MGAT4C: variants seen among roughly 807,000 people sequenced by gnomAD.
MGAT4C encodes alpha-1,3-mannosyl-glycoprotein 4-beta-N-acetylglucosaminyltransferase C.
A neutral mutation model predicts 40.1 loss-of-function variants in MGAT4C; 19 were observed. That is an observed-to-expected ratio of 0.47 (90% CI 0.33 to 0.70). The LOEUF (loss-of-function observed/expected upper bound fraction) is 0.70, where lower values mean the gene tolerates loss of function less well. Among genes scored for constraint, MGAT4C ranks in the 30% least tolerant of loss-of-function variants. MGAT4C has a pLI of 0.02. For synonymous variants in MGAT4C, 181 were observed against 187.1 expected (o/e 0.97, Z 0.27); for missense variants, 491 against 563.2 (o/e 0.87, Z 1.30).
chr12:86,459,458 G>C (rs1957559639), intron 2 of MGAT4C, among the ~76,000 whole-genome samples: 1 of 151,942 alleles, frequency 6.6e-6, no homozygotes, highest in Non-Finnish European at 1.5e-5. Flanking sequence ...GGCCACATAG[G>C]AAGGGTCTGC....
At chr12:85,989,071 G>T (rs1186884853) in intron 3 of MGAT4C, among the ~76,000 whole-genome samples, 1 of 151,944 alleles carries the variant, frequency 6.6e-6, no homozygotes, top group African/African-American at 2.4e-5. Flanking sequence ...AGCAGATTTT[G>T]TTTATTCTAT....
intron 2 of MGAT4C, among the ~76,000 whole-genome samples, chr12:86,499,089 C>A (rs1958290317): frequency 6.6e-6 from 1 of 151,544 alleles, no homozygotes; most frequent in African/African-American, 2.4e-5. Context: ...TTTTATTTTA[C>A]TTTGTGTTAA....
intron 2 of MGAT4C, among the ~76,000 whole-genome samples, chr12:86,594,907 G>A (rs1456981134): frequency 6.6e-6 from 1 of 152,158 alleles, no homozygotes; most frequent in Admixed American, 6.5e-5. Context: ...CAGTGCAGGA[G>A]CCCAGTCTAA....
chr12:86,629,577 T>C lies in MGAT4C; in HGVS notation c.-229+97632A>G, dbSNP rs1171977082. Among the ~76,000 whole-genome samples the C allele has an allele frequency of 6.6e-5, 10 of 152,174 alleles. No individual in the cohort carries two copies. The East Asian group carries it at 1.7e-3, about 27-fold the overall frequency. On this transcript the variant is annotated intron_variant, in intron 2 of 7. Transcript: ENST00000548651. ...TCTCTCAGACCACAGTGCAATCAAC[T>C]TACAACTCAGGATTAAGGAACTCAC...
At chr12:86,329,304 G>A (rs1954602815) in intron 4 of MGAT4C, among the ~76,000 whole-genome samples, 1 of 152,050 alleles carries the variant, frequency 6.6e-6, no homozygotes, top group African/African-American at 2.4e-5. Flanking sequence ...AGCACTTTGG[G>A]ATTTACTTTC....
At chr12:86,440,572 C>A (rs1023775214) in intron 2 of MGAT4C, among the ~76,000 whole-genome samples, 4 of 152,004 alleles carry the variant, frequency 2.6e-5, no homozygotes, top group African/African-American at 9.7e-5. Context: ...TGGAAGAATA[C>A]AGGGATGCCC....
At chr12:86,606,500 A>T (rs1024608148) in intron 2 of MGAT4C, among the ~76,000 whole-genome samples, 3 of 152,156 alleles carry the variant, frequency 2.0e-5, no homozygotes, top group African/African-American at 7.2e-5. Context: ...AACTACATAA[A>T]GTACCAGACA....
At chr12:86,257,357 C>T (rs1461973349), upstream of MGAT4C, among the ~76,000 whole-genome samples, 1 of 152,192 alleles carries the variant, frequency 6.6e-6, no homozygotes, top group East Asian at 1.9e-4. Flanking sequence ...GAGCTGTCAA[C>T]CGCATAACTG....
At chr12:85,984,323 A>T (rs577582168) in intron 3 of MGAT4C, among the ~76,000 whole-genome samples, 1 of 152,282 alleles carries the variant, frequency 6.6e-6, no homozygotes, top group African/African-American at 2.4e-5. Flanking sequence ...ATTAGCACCA[A>T]ATTAAGGTAA....
chr12:86,562,732 C>CTT (rs1959928530), intron 2 of MGAT4C, among the ~76,000 whole-genome samples: 2 of 152,048 alleles, frequency 1.3e-5, no homozygotes, highest in African/African-American at 4.8e-5. Context: ...AAAACAACTG[C>CTT]TTGAGTTTTC....
chr12:86,764,245 G>A (rs1023378326), intron 1 of MGAT4C, among the ~76,000 whole-genome samples: 222 of 152,254 alleles, frequency 1.5e-3, no homozygotes, highest in African/African-American at 4.5e-3. Context: ...CTATGCCCAC[G>A]GAGTCTCGCT....
intron 2 of MGAT4C, among the ~76,000 whole-genome samples, chr12:86,685,742 T>C (rs1016949036): frequency 1.3e-5 from 2 of 152,224 alleles, no homozygotes; most frequent in Non-Finnish European, 2.9e-5. Flanking sequence ...GAAAAGGTTC[T>C]TCACACCGCT....
intron 2 of MGAT4C, among the ~76,000 whole-genome samples, chr12:86,000,184 C>G (rs980489647): frequency 2.6e-5 from 4 of 151,710 alleles, no homozygotes; most frequent in Admixed American, 2.6e-4. Context: ...AAAGGGTAAA[C>G]TAACCCCAAA....
intron 2 of MGAT4C, among the ~76,000 whole-genome samples, chr12:86,475,948 T>C (rs1161009395): frequency 6.6e-6 from 1 of 152,050 alleles, no homozygotes; most frequent in Non-Finnish European, 1.5e-5. Flanking sequence ...ATATTTAAGG[T>C]GTACAACATG....
chr12:86,472,923 G>C (rs1353973770), intron 2 of MGAT4C, among the ~76,000 whole-genome samples: 1 of 152,052 alleles, frequency 6.6e-6, no homozygotes, highest in African/African-American at 2.4e-5. Context: ...GAGAAAGAGA[G>C]GAAGGGAGGA....
At chr12:86,571,034 C>G (rs1291172888) in intron 2 of MGAT4C, among the ~76,000 whole-genome samples, 2 of 152,070 alleles carry the variant, frequency 1.3e-5, no homozygotes, top group Non-Finnish European at 2.9e-5. Flanking sequence ...AGGCTGGTTT[C>G]GAACTCCTGA....
At chr12:86,177,631 T>C (rs1272770819) in intron 1 of MGAT4C, among the ~76,000 whole-genome samples, 2 of 152,072 alleles carry the variant, frequency 1.3e-5, no homozygotes, top group Middle Eastern at 3.2e-3. Context: ...ATATAATACA[T>C]ATGCTAAAAG....
chr12:86,694,732 G>A (rs2136603585), intron 2 of MGAT4C, among the ~76,000 whole-genome samples: 1 of 152,270 alleles, frequency 6.6e-6, no homozygotes, highest in Middle Eastern at 3.4e-3. Flanking sequence ...CTAGACTCCT[G>A]TCTTTCACCA....
At chr12:86,749,596 C>T (rs1951203751) in intron 1 of MGAT4C, among the ~76,000 whole-genome samples, 1 of 151,654 alleles carries the variant, frequency 6.6e-6, no homozygotes, top group Admixed American at 6.6e-5. Flanking sequence ...TACAACTTTC[C>T]TCCCCCTACT....
Sources: gnomAD v4.1 joint callset for allele counts (sites outside exome capture counted in the v4.1 genomes callset) on GRCh38, gnomAD v4.1.1 for gene constraint, MANE v1.5 for transcripts, NCBI Gene and HGNC (gene_info 2026-07-23, HGNC 2026-07-21) for gene names.